Variants in DCC observed in about 807,000 individuals in gnomAD.
DCC encodes netrin receptor DCC.
DCC carries 58 observed loss-of-function variants against 172.5 expected under a neutral mutation model. The ratio of observed to expected loss-of-function variants is 0.34; its 90% CI spans 0.27 to 0.42. The LOEUF (loss-of-function observed/expected upper bound fraction) is 0.42. Ranked by LOEUF, DCC falls within the 10% of genes least tolerant of loss-of-function variation. The pLI is 1.00. For missense variants in DCC, 1,740 were observed against 1,791.0 expected (o/e 0.97, Z 0.51); for synonymous variants, 709 against 644.5 (o/e 1.10, Z -1.52).
At chr18:52,566,921 A>G (rs1487791910) in intron 1 of DCC, among the ~76,000 whole-genome samples, 2 of 152,338 alleles carry the variant, frequency 1.3e-5, no homozygotes, top group South Asian at 2.1e-4. Flanking sequence ...TAAACAAGCT[A>G]TATGATAAAA....
intron 1 of DCC, among the ~76,000 whole-genome samples, chr18:52,722,069 G>A (rs1043744352): frequency 1.3e-5 from 2 of 152,080 alleles, no homozygotes; most frequent in Non-Finnish European, 2.9e-5. Flanking sequence ...AATAAAGTAG[G>A]TAAAATGCAC....
chr18:53,467,898 A>G lies in DCC; in HGVS notation c.3624A>G (p.Gln1208=). The change falls in exon 25 of 29, where the codon CAA becomes CAG. Residue 1208 remains glutamine, a synonymous_variant. Coordinates refer to ENST00000442544, the MANE Select transcript of DCC (RefSeq NM_005215.4). ...LGSKSTSHSG[Q]DTEEAGSSMS... ...TCAGGAGTGTGTATTTTTTAGGTCA[A>G]GACACTGAGGAAGCAGGGAGCTCTA... 2 of 1,572,690 alleles carry G rather than the reference A, an allele frequency of 1.3e-6. No individual in the cohort carries two copies. The highest frequency in any genetic ancestry group is 2.2e-5 in the South Asian group (2 of 90,332).
At chr18:53,239,188 TATA>T (rs1314044360) in intron 12 of DCC, among the ~76,000 whole-genome samples, 1 of 132,002 alleles carries the variant, frequency 7.6e-6, no homozygotes, top group Non-Finnish European at 1.6e-5. Context: ...GAACTTAAAA[TATA>T]ATAATAATAA....
At chr18:53,312,340 C>CAAAAAAAAAAAAAAAAAA (rs1218591102) in intron 13 of DCC, among the ~76,000 whole-genome samples, 4 of 17,526 alleles carry the variant, frequency 2.3e-4, no homozygotes, top group Admixed American at 1.1e-3. Flanking sequence ...GACTCTGTCT[C>CAAAAAAAAAAAAAAAAAA]AAAAAAAAAA....
chr18:53,318,163 A>G (rs2057364744), intron 13 of DCC, among the ~76,000 whole-genome samples: 1 of 152,114 alleles, frequency 6.6e-6, no homozygotes, highest in Non-Finnish European at 1.5e-5. Flanking sequence ...TGGGTCCCAG[A>G]GATTGTAGTA....
intron 8 of DCC, among the ~76,000 whole-genome samples, chr18:53,177,223 T>A (rs2144470938): frequency 6.6e-6 from 1 of 152,066 alleles, no homozygotes; most frequent in East Asian, 1.9e-4. Flanking sequence ...GAGATATACC[T>A]AATGCTAGAT....
intron 1 of DCC, among the ~76,000 whole-genome samples, chr18:52,620,408 C>T (rs1230668648): frequency 8.5e-5 from 13 of 152,136 alleles, no homozygotes; most frequent in Admixed American, 7.2e-4. Flanking sequence ...TCCATAACTA[C>T]CAAAGGATGA....
intron 2 of DCC, among the ~76,000 whole-genome samples, chr18:52,840,618 A>G (rs1265641291): frequency 1.3e-5 from 2 of 152,222 alleles, no homozygotes; most frequent in African/African-American, 2.4e-5. Context: ...GACTAAAGTC[A>G]TCATCAGATT....
chr18:52,692,785 G>A (rs2035948576), intron 1 of DCC, among the ~76,000 whole-genome samples: 1 of 152,054 alleles, frequency 6.6e-6, no homozygotes, highest in African/African-American at 2.4e-5. Flanking sequence ...TTCATGGTGG[G>A]AGGGTACCTA....
intron 7 of DCC, among the ~76,000 whole-genome samples, chr18:53,136,804 T>G (rs2043750134): frequency 1.3e-5 from 2 of 152,208 alleles, no homozygotes; most frequent in African/African-American, 4.8e-5. Flanking sequence ...AGGAAATGTA[T>G]GTCTCAGCAT....
At chr18:53,458,233 A>G (rs543668901) in intron 23 of DCC, among the ~76,000 whole-genome samples, 20 of 152,368 alleles carry the variant, frequency 1.3e-4, no homozygotes, top group African/African-American at 4.8e-4. Context: ...TAGAGATTTA[A>G]AAGTTATAAA....
intron 1 of DCC, among the ~76,000 whole-genome samples, chr18:52,623,587 A>G (rs914066230): frequency 6.6e-6 from 1 of 152,202 alleles, no homozygotes; most frequent in African/African-American, 2.4e-5. Flanking sequence ...ATCTCATTAC[A>G]CAGTTTCTCT....
At position 53,486,983 on chromosome 18, in the gene DCC, A is replaced by G. The variant is rs1199745665; in HGVS notation, c.3898+25A>G. ...TGTAATGCATTTTCCTCTCTTTTTA[A>G]TAAGCACAAATGAATAATAGCAAAG... On this transcript the variant is annotated intron_variant, in intron 26 of 28. Transcript: ENST00000442544. 4 of 1,613,630 alleles carry G rather than the reference A, an allele frequency of 2.5e-6. No individual in the cohort carries two copies. The African/African-American group carries it at 5.3e-5, about 22-fold the overall frequency.
intron 1 of DCC, 54 bp downstream of exon 1, chr18:52,340,932 C>T: frequency 1.5e-6 from 2 of 1,346,656 alleles, no homozygotes; most frequent in Non-Finnish European, 2.1e-6. Context: ...CCCCACTTCC[C>T]TTCTCATTTC....
intron 14 of DCC, among the ~76,000 whole-genome samples, chr18:53,332,682 T>C (rs894006429): frequency 6.6e-6 from 1 of 151,970 alleles, no homozygotes; most frequent in Admixed American, 6.6e-5. Flanking sequence ...TAATGAGAGA[T>C]TGGGGGAGGG....
At chr18:53,236,382 T>A (rs921620180) in intron 12 of DCC, among the ~76,000 whole-genome samples, 2 of 152,146 alleles carry the variant, frequency 1.3e-5, no homozygotes, top group South Asian at 2.1e-4. Context: ...TTTTGCACAT[T>A]ACTTTAGGTT....
At chr18:53,447,131 A>G (rs1451931351) in intron 22 of DCC, among the ~76,000 whole-genome samples, 2 of 152,242 alleles carry the variant, frequency 1.3e-5, no homozygotes, top group East Asian at 1.9e-4. Flanking sequence ...AGAGGCTCAC[A>G]GGAAGCTAAC....
At chr18:52,373,316 A>G (rs1401839540) in intron 1 of DCC, among the ~76,000 whole-genome samples, 1 of 152,108 alleles carries the variant, frequency 6.6e-6, no homozygotes, top group Non-Finnish European at 1.5e-5. Context: ...GTGTGATGCA[A>G]GCCTCAAGGT....
chr18:53,224,200 T>C (rs767524614), intron 12 of DCC, among the ~76,000 whole-genome samples: 4 of 152,066 alleles, frequency 2.6e-5, no homozygotes, highest in Non-Finnish European at 4.4e-5. Flanking sequence ...TTAAATCAGA[T>C]TGTCAGGGAA....
Sources: allele counts gnomAD v4.1 joint callset (sites outside exome capture counted in the v4.1 genomes callset), GRCh38; gene constraint gnomAD v4.1.1; transcripts MANE v1.5; gene names NCBI Gene and HGNC (gene_info 2026-07-23, HGNC 2026-07-21).